Variants in ZNF615 observed in about 807,000 individuals in gnomAD.
ZNF615 encodes zinc finger protein 615.
In ZNF615, 15 loss-of-function variants were observed where a neutral mutation model predicts 15.3. The ratio of observed to expected loss-of-function variants is 0.98; its 90% confidence interval spans 0.66 to 1.51. ZNF615 has a LOEUF of 1.51. Among genes scored for constraint, ZNF615 ranks in the 40% most tolerant of loss-of-function variants. The pLI, the probability that ZNF615 is intolerant of heterozygous loss-of-function variation, is 0.00. For missense variants in ZNF615, 848 were observed against 895.9 expected, an observed-to-expected ratio of 0.95 and a Z score of 0.68; for synonymous variants, 268 against 294.6, an observed-to-expected ratio of 0.91 and a Z score of 0.92.
intron 5 of ZNF615, among the ~76,000 whole-genome samples, chr19:52,000,717 C>T (rs1444194227): frequency 1.3e-5 from 2 of 152,054 alleles, no homozygotes; most frequent in African/African-American, 4.8e-5. Flanking sequence ...CTTTGGGAGG[C>T]CAAGGCTGAC....
rs572206875 is a variant in ZNF615, at chr19:52,001,656, T to C, written c.238+157A>G. On this transcript the variant is annotated intron_variant, in intron 5 of 6. Coordinates refer to ENST00000598071, the MANE Select transcript of ZNF615 (RefSeq NM_001199324.2). Reference sequence around the variant, plus strand: ...AAAAAGAAAAGAAAGTGGGGCATATTTTCCATACTATAACAAAAAAGAGCT... The same window carrying C: ...AAAAAGAAAAGAAAGTGGGGCATATCTTCCATACTATAACAAAAAAGAGCT... 2.8e-5 allele frequency: 17 copies of C among 606,088 alleles called. No homozygotes were observed. The East Asian group carries it at 4.2e-4, about 15-fold the overall frequency. 37.5% of individuals were successfully genotyped at this position (606,088 alleles called of 1,614,324 possible).
chr19:52,002,114 G>A, intron 4 of ZNF615, 41 bp downstream of exon 4: 1 of 1,614,148 alleles, frequency 6.2e-7, no homozygotes. Context: ...GAAGGCCACT[G>A]ACTGGGCACC....
At chr19:52,006,204 G>T (rs890380286) in intron 2 of ZNF615, among the ~76,000 whole-genome samples, 3 of 152,202 alleles carry the variant, frequency 2.0e-5, no homozygotes, top group African/African-American at 7.2e-5. Context: ...ATTGCTGATG[G>T]TAGTTCAGTA....
At chr19:52,008,095 AT>A in intron 1 of ZNF615, 45 bp downstream of exon 1, 1 of 1,526,322 alleles carries the variant, frequency 6.6e-7, no homozygotes, top group African/African-American at 1.4e-5. Context: ...CACGGACAGA[AT>A]TTCCTCCCCC....
At chr19:52,000,903 G>A (rs537406246) in intron 5 of ZNF615, among the ~76,000 whole-genome samples, 2 of 152,012 alleles carry the variant, frequency 1.3e-5, no homozygotes, top group South Asian at 4.2e-4. Context: ...CAGTGAGCCT[G>A]GGTGACAGAT....
chr19:52,000,791 A>G (rs890910524), intron 5 of ZNF615, among the ~76,000 whole-genome samples: 2 of 152,102 alleles, frequency 1.3e-5, no homozygotes, highest in Non-Finnish European at 2.9e-5. Context: ...CACCTCTATA[A>G]GAAATACAAA....
intron 6 of ZNF615, among the ~76,000 whole-genome samples, chr19:51,998,828 T>C (rs2086513602): frequency 6.6e-6 from 1 of 152,164 alleles, no homozygotes; most frequent in African/African-American, 2.4e-5. Flanking sequence ...CTAATTTTTG[T>C]ATTTTTAGTA....
chr19:51,994,182 G>C lies in ZNF615; in HGVS notation c.927C>G (p.Ile309Met), dbSNP rs1599982036. 1 of 1,613,962 alleles carries C rather than the reference G, an allele frequency of 6.2e-7. No homozygotes were observed. Residue 309 changes from isoleucine (I) to methionine (M), a missense_variant, in exon 7 of 7, where the codon ATC (isoleucine) becomes ATG (methionine). By Grantham distance (10) the Ile-to-Met change is conservative. Transcript: ENST00000598071. ...GATGATAAATGAGCCGACACTTCTTGATGAAGGCTTTCCCACATTGGCTAC... is the reference window on the plus strand; with the variant it reads ...GATGATAAATGAGCCGACACTTCTTCATGAAGGCTTTCCCACATTGGCTAC... ...YTCSQCGKAF[I>M]KKCRLIYHQR...
In ZNF615 at chr19:51,994,670, GT is replaced by G; in HGVS notation, c.438del (p.Lys146AsnfsTer3). On this transcript the variant is annotated frameshift_variant, in exon 7 of 7. Coordinates refer to ENST00000598071, the MANE Select transcript of ZNF615 (RefSeq NM_001199324.2). LOFTEE classifies it low-confidence loss of function (END_TRUNC). Reference protein sequence around the residue: ...QDCDTFDLHEKPLKSNLSFEN... With the variant: ...QDCDTFDLHEXPLKSNLSFEN... ...TCAAAACTTAAATTTGATTTTAAAG[GT>G]TTTTCATGTAAGTCAAACGTATCAC... The G allele has an allele frequency of 6.2e-7, 1 of 1,613,304 alleles. No homozygotes were observed. Among genetic ancestry groups the G allele is most frequent in the South Asian group, 1.1e-5 (1 of 91,006 alleles).
At chr19:52,007,552 G>A (rs1404999596) in intron 1 of ZNF615, among the ~76,000 whole-genome samples, 1 of 152,144 alleles carries the variant, frequency 6.6e-6, no homozygotes, top group African/African-American at 2.4e-5. Flanking sequence ...GAATGCTAAT[G>A]AGCATCAATT....
At chr19:52,007,955 G>T in intron 1 of ZNF615, 186 bp downstream of exon 1, 1 of 601,172 alleles carries the variant, frequency 1.7e-6, no homozygotes, top group Non-Finnish European at 3.0e-6. Context: ...ACCCTATCAC[G>T]GACCTCTTGT....
Position 52,000,332 on chromosome 19 carries a change from T to C in ZNF615, c.271+14A>G. The C allele has an allele frequency of 3.2e-6, 2 of 627,516 alleles. No homozygotes were observed. Among genetic ancestry groups the C allele is most frequent in the East Asian group, 2.9e-5 (1 of 34,714 alleles). The allele number at this position is 627,516 out of a possible 1,614,324, so 38.9% of individuals were successfully genotyped here. A position where few individuals can be genotyped will look rare whatever the true frequency, so the allele number is the denominator to read the frequency against. ...TGAATCCTCGGCATCAGGCAATATATCCATGAGACAAACCTGCATATGCAC... is the reference window on the plus strand; with the variant it reads ...TGAATCCTCGGCATCAGGCAATATACCCATGAGACAAACCTGCATATGCAC... On this transcript the variant is annotated intron_variant, in intron 6 of 6. Transcript: ENST00000598071.
rs751715201 is a variant in ZNF615, at chr19:51,994,490, T to C, written c.619A>G (p.Arg207Gly). ...INKSQFIKQQ[R>G]THNIENAHVC... ...TGGGCATTCTCTATGTTGTGAGTTC[T>C]CTGTTGCTTAATGAACTGGGACTTA... Residue 207 changes from arginine (R) to glycine (G), a missense_variant, in exon 7 of 7, where the codon AGA becomes GGA. Transcript: ENST00000598071. 1 of 1,614,196 alleles carries C rather than the reference T, an allele frequency of 6.2e-7. No individual in the cohort carries two copies. Among genetic ancestry groups the C allele is most frequent in the African/African-American group, 1.3e-5 (1 of 75,068 alleles).
At position 51,994,430 on chromosome 19, in the gene ZNF615, A is replaced by C; in HGVS notation, c.679T>G (p.Leu227Val). 2 of 1,613,702 alleles carry C rather than the reference A, an allele frequency of 1.2e-6. No individual in the cohort carries two copies. The highest frequency in any genetic ancestry group is 1.7e-6 in the Non-Finnish European group (2 of 1,179,876). The change falls in exon 7 of 7, where the codon TTG becomes GTG. Residue 227 changes from leucine (L) to valine (V), a missense_variant. Transcript: ENST00000598071. ...CTCTGATGATCAATAAACTGAGACA[A>C]CTTGAGGAAGGCTTTCCCACATTCA... The part of the protein sequence containing the change: ...CSECGKAFLK[L>V]SQFIDHQRVH...
In ZNF615 at chr19:51,993,748, AG is replaced by A; in HGVS notation, c.1360del (p.Leu454SerfsTer25). 6.2e-7 allele frequency: 1 copy of A among 1,614,048 alleles called. No homozygotes were observed. Among genetic ancestry groups the A allele is most frequent in the Non-Finnish European group, 8.5e-7 (1 of 1,180,026 alleles). Reference sequence around the variant, plus strand: ...AGTATGTGTTCGCTGATGTCTGATGAGTGGGCTCTTCAAAGCGAAGCCCTTT... The same window carrying A: ...AGTATGTGTTCGCTGATGTCTGATGATGGGCTCTTCAAAGCGAAGCCCTTT... ...CGKGFALKSP[L>X]IRHQRTHTGE... On this transcript the variant is annotated frameshift_variant, in exon 7 of 7. Coordinates refer to ENST00000598071, the MANE Select transcript of ZNF615 (RefSeq NM_001199324.2). LOFTEE classifies it low-confidence loss of function (END_TRUNC).
At chr19:51,996,623 A>G (rs1247044736) in intron 6 of ZNF615, among the ~76,000 whole-genome samples, 7 of 152,226 alleles carry the variant, frequency 4.6e-5, no homozygotes, top group Non-Finnish European at 1.0e-4. Flanking sequence ...AATGTAGATG[A>G]CATCCAACAT....
At chr19:52,001,759 T>A in intron 5 of ZNF615, 54 bp downstream of exon 5, 1 of 1,486,860 alleles carries the variant, frequency 6.7e-7, no homozygotes, top group Non-Finnish European at 9.4e-7. Context: ...GCCTGCTCTG[T>A]GTGGGCAGAA....
Position 52,002,211 on chromosome 19 carries a change from T to C in ZNF615, c.86A>G (p.Gln29Arg), listed in dbSNP as rs1568504497. 1 of 1,614,118 alleles carries C rather than the reference T, an allele frequency of 6.2e-7. No homozygotes were observed. Among genetic ancestry groups the C allele is most frequent in the Non-Finnish European group, 8.5e-7 (1 of 1,180,046 alleles). The change falls in exon 4 of 7, where the codon CAG (glutamine) becomes CGG (arginine). Residue 29 changes from glutamine to arginine, a missense_variant. By Grantham distance (43) the Gln-to-Arg change is conservative. Coordinates refer to ENST00000598071, the MANE Select transcript of ZNF615 (RefSeq NM_001199324.2). ...CATCACGTCCCGGTACAGGTCCTTC[T>C]GAGCAGGGCTCAGGAACTGCCACTC... ...WEEWQFLSPA[Q>R]KDLYRDVMLE...
chr19:52,006,242 C>A (rs999579343), intron 2 of ZNF615, among the ~76,000 whole-genome samples: 2 of 151,772 alleles, frequency 1.3e-5, no homozygotes, highest in African/African-American at 4.8e-5. Context: ...TAAATGTTTT[C>A]ATTAATAGAA....
Sources: gnomAD v4.1 joint callset for allele counts (sites outside exome capture counted in the v4.1 genomes callset) on GRCh38, gnomAD v4.1.1 for gene constraint, MANE v1.5 for transcripts, NCBI Gene and HGNC (gene_info 2026-07-23, HGNC 2026-07-21) for gene names.